Variants in RBFOX1 observed in about 807,000 individuals in gnomAD.
RBFOX1 encodes RNA binding fox-1 homolog 1.
In RBFOX1, 8 loss-of-function variants were observed where a neutral mutation model predicts 57.7. That is an observed-to-expected ratio of 0.14 (90% CI 0.08 to 0.25). The LOEUF (loss-of-function observed/expected upper bound fraction) is 0.25, where lower values mean the gene tolerates loss of function less well. Among genes scored for constraint, RBFOX1 ranks in the 10% least tolerant of loss-of-function variants. RBFOX1 has a pLI of 1.00. For synonymous variants in RBFOX1, 326 were observed against 222.4 expected (o/e 1.47, Z -4.15); for missense variants, 611 against 548.5 (o/e 1.11, Z -1.14).
At chr16:6,197,179 G>A (rs573193647) in intron 1 of RBFOX1, among the ~76,000 whole-genome samples, 10 of 152,198 alleles carry the variant, frequency 6.6e-5, no homozygotes, top group South Asian at 4.2e-4. Flanking sequence ...CTATGCATAC[G>A]TCTTATTTCT....
chr16:6,975,296 C>T (rs1472676266), intron 3 of RBFOX1, among the ~76,000 whole-genome samples: 2 of 151,748 alleles, frequency 1.3e-5, no homozygotes, highest in African/African-American at 4.8e-5. Flanking sequence ...GACAGGGTCT[C>T]ATTCTGTCAC....
chr16:6,875,529 T>C (rs960759283), intron 3 of RBFOX1, among the ~76,000 whole-genome samples: 5 of 152,180 alleles, frequency 3.3e-5, no homozygotes. Context: ...TGGCAAAGAC[T>C]ATGAATTATG....
chr16:6,640,051 A>T (rs1200645753), intron 2 of RBFOX1, among the ~76,000 whole-genome samples: 2 of 152,172 alleles, frequency 1.3e-5, no homozygotes, highest in Non-Finnish European at 2.9e-5. Flanking sequence ...GAAACTAAAG[A>T]ACAGATAAGT....
At chr16:5,891,468 C>T (rs1370411375) in intron 4 of RBFOX1, among the ~76,000 whole-genome samples, 1 of 152,186 alleles carries the variant, frequency 6.6e-6, no homozygotes, top group Non-Finnish European at 1.5e-5. Flanking sequence ...CATTGGAATT[C>T]AGTTTTAAAA....
rs575037608 is a variant in RBFOX1, at chr16:6,630,876, T to A, written c.-63-23727T>A. 6.6e-5 allele frequency among the ~76,000 whole-genome samples: 10 copies of A among 152,270 alleles called. No individual in the cohort carries two copies. The South Asian group carries it at 2.1e-3, about 32-fold the overall frequency. On this transcript the variant is annotated intron_variant, in intron 2 of 15. Coordinates refer to ENST00000550418, the MANE Select transcript of RBFOX1 (RefSeq NM_018723.4). ...CTCAAACCCCAAGGACCAGGACATT[T>A]GGCCAAACAGCTATGATAAATGCTG... is the stretch of plus-strand genomic sequence containing the variant.
At chr16:6,280,382 C>G (rs1416738683) in intron 1 of RBFOX1, among the ~76,000 whole-genome samples, 1 of 152,082 alleles carries the variant, frequency 6.6e-6, no homozygotes, top group African/African-American at 2.4e-5. Flanking sequence ...TATCAGCTCA[C>G]CCACCCCTAG....
At chr16:7,089,142 T>G (rs1373563710) in intron 4 of RBFOX1, among the ~76,000 whole-genome samples, 1 of 152,200 alleles carries the variant, frequency 6.6e-6, no homozygotes, top group Non-Finnish European at 1.5e-5. Context: ...CCACCCGGTT[T>G]AGTTTTGCAC....
intron 4 of RBFOX1, among the ~76,000 whole-genome samples, chr16:7,306,850 C>G (rs1183722299): frequency 6.6e-6 from 1 of 152,102 alleles, no homozygotes; most frequent in Non-Finnish European, 1.5e-5. Context: ...AGTTTAATCT[C>G]CACATACATA....
chr16:6,830,440 C>T (rs765416523), intron 3 of RBFOX1, among the ~76,000 whole-genome samples: 1 of 152,006 alleles, frequency 6.6e-6, no homozygotes, highest in African/African-American at 2.4e-5. Context: ...TCACAGGGAC[C>T]GTAAGAGGAA....
At chr16:7,559,343 C>G (rs1223021998) in intron 5 of RBFOX1, among the ~76,000 whole-genome samples, 25 of 152,238 alleles carry the variant, frequency 1.6e-4, no homozygotes, top group Middle Eastern at 6.8e-3. Flanking sequence ...CCTAGTCTCT[C>G]TTTCTCCCTC....
At chr16:7,171,702 A>G (rs972904586) in intron 4 of RBFOX1, among the ~76,000 whole-genome samples, 1 of 152,196 alleles carries the variant, frequency 6.6e-6, no homozygotes, top group Non-Finnish European at 1.5e-5. Context: ...GTAAGCAATG[A>G]GCTTGTGTTT....
At position 6,314,799 on chromosome 16, in the gene RBFOX1, G is replaced by A. The variant is rs1006839869; in HGVS notation, c.-126-2196G>A. ...GAAACTACAACTACTATAATTATTA[G>A]GACTCAGATAATCCTGCATTGGAGG... On this transcript the variant is annotated intron_variant, in intron 1 of 15. Coordinates refer to ENST00000550418, the MANE Select transcript of RBFOX1 (RefSeq NM_018723.4). Among the ~76,000 whole-genome samples, 8 of 152,168 alleles carry A rather than the reference G, an allele frequency of 5.3e-5. No individual in the cohort carries two copies. In the East Asian group the frequency reaches 1.5e-3, roughly 29 times the overall value.
intron 4 of RBFOX1, among the ~76,000 whole-genome samples, chr16:5,966,219 A>G (rs1194788029): frequency 1.3e-5 from 2 of 152,206 alleles, no homozygotes; most frequent in East Asian, 1.9e-4. Context: ...ATAGAACGTG[A>G]CTGGCTATAT....
At chr16:7,375,399 A>G (rs1052761504) in intron 4 of RBFOX1, among the ~76,000 whole-genome samples, 2 of 152,224 alleles carry the variant, frequency 1.3e-5, no homozygotes, top group African/African-American at 4.8e-5. Flanking sequence ...CAGGAACCCC[A>G]TTATGGTGGT....
chr16:5,465,693 A>G (rs924035977), intron 1 of RBFOX1, among the ~76,000 whole-genome samples: 2 of 152,344 alleles, frequency 1.3e-5, no homozygotes, highest in Admixed American at 6.5e-5. Flanking sequence ...TATAACAAAC[A>G]TACTAATAAT....
intron 12 of RBFOX1, among the ~76,000 whole-genome samples, chr16:7,659,498 C>G (rs929308101): frequency 1.3e-5 from 2 of 152,120 alleles, no homozygotes; most frequent in Admixed American, 1.3e-4. Context: ...ACAGGGGCGT[C>G]CAATCTTTTG....
chr16:6,510,658 C>T (rs1171462024), intron 2 of RBFOX1, among the ~76,000 whole-genome samples: 2 of 152,102 alleles, frequency 1.3e-5, no homozygotes. Context: ...GTATCCCTCC[C>T]ACAAACACAG....
rs1567633599 is a variant in RBFOX1 at position 7,189,554 on chromosome 16, A to ACACACACACACACACAC, written c.27+137456_27+137457insCACACACACACACACAC. On this transcript the variant is annotated intron_variant, in intron 4 of 15. Transcript: ENST00000550418. ...CACTCCAAAACACTATGTCCCCCAA[A>ACACACACACACACACAC]ACACACACACACACACACACACACA... is the stretch of plus-strand genomic sequence containing the variant. Among the ~76,000 whole-genome samples, 81 of 135,874 alleles carry ACACACACACACACACAC rather than the reference A, an allele frequency of 6.0e-4. 1 individual carries two copies. The highest frequency in any genetic ancestry group is 1.1e-3 in the South Asian group (5 of 4,360). 89.1% of individuals were successfully genotyped at this position (135,874 alleles called of 152,430 possible). A position where few individuals can be genotyped will look rare whatever the true frequency, so the allele number is the denominator to read the frequency against.
intron 4 of RBFOX1, among the ~76,000 whole-genome samples, chr16:7,494,347 T>C (rs2067895803): frequency 6.6e-6 from 1 of 152,122 alleles, no homozygotes; most frequent in Non-Finnish European, 1.5e-5. Context: ...TTCCTACCAT[T>C]GGCGGCTAGT....
Sources: gnomAD v4.1 joint callset for allele counts (sites outside exome capture counted in the v4.1 genomes callset) on GRCh38, gnomAD v4.1.1 for gene constraint, MANE v1.5 for transcripts, NCBI Gene and HGNC (gene_info 2026-07-23, HGNC 2026-07-21) for gene names.